MAP2: variants seen among roughly 807,000 people sequenced by gnomAD.
MAP2 encodes the protein microtubule-associated protein 2.
Under a neutral mutation model 137.6 loss-of-function variants are expected in MAP2, and 14 were observed. The observed-to-expected ratio is 0.10, with a 90% confidence interval of 0.07 to 0.16. MAP2 has a LOEUF of 0.16. Ranked by LOEUF, MAP2 falls within the 10% of genes least tolerant of loss-of-function variation. The pLI is 1.00. For missense variants in MAP2, 2,088 were observed against 2,191.5 expected (o/e 0.95, Z 0.94); for synonymous variants, 786 against 782.3 (o/e 1.00, Z -0.08).
chr2:209,619,131 G>A (rs1216366142), intron 3 of MAP2, among the ~76,000 whole-genome samples: 1 of 152,086 alleles, frequency 6.6e-6, no homozygotes, highest in Non-Finnish European at 1.5e-5. Context: ...AGTGATGTTG[G>A]GGGTATGCTG....
chr2:209,607,311 T>G (rs1046330928), intron 3 of MAP2, among the ~76,000 whole-genome samples: 1 of 152,228 alleles, frequency 6.6e-6, no homozygotes, highest in African/African-American at 2.4e-5. Flanking sequence ...CAGACCAAGA[T>G]GAATTAGTCA....
intron 2 of MAP2, among the ~76,000 whole-genome samples, chr2:209,509,487 T>C (rs1385052819): frequency 6.6e-6 from 1 of 152,020 alleles, no homozygotes; most frequent in African/African-American, 2.4e-5. Context: ...TATTTATTAG[T>C]ATTGTTTTCC....
intron 2 of MAP2, among the ~76,000 whole-genome samples, chr2:209,528,028 T>C (rs1264691337): frequency 1.3e-5 from 2 of 152,170 alleles, no homozygotes; most frequent in East Asian, 3.8e-4. Flanking sequence ...TAACATTTAT[T>C]TATTAAATTA....
chr2:209,705,227 C>T (rs934530230), intron 11 of MAP2, among the ~76,000 whole-genome samples: 6 of 152,034 alleles, frequency 3.9e-5, no homozygotes, highest in Non-Finnish European at 8.8e-5. Flanking sequence ...ATGCAGTGAG[C>T]TACTCTCAGT....
At chr2:209,564,132 G>T (rs1164062223) in intron 2 of MAP2, among the ~76,000 whole-genome samples, 1 of 152,132 alleles carries the variant, frequency 6.6e-6, no homozygotes, top group Non-Finnish European at 1.5e-5. Context: ...ATGAAAAAGG[G>T]ATAATACGAA....
In MAP2 at chr2:209,729,846, A is replaced by G. The variant is rs769722427; in HGVS notation, c.5156-4A>G. 6.3e-7 allele frequency: 1 copy of G among 1,593,732 alleles called. No individual in the cohort carries two copies. The highest frequency in any genetic ancestry group is 1.7e-5 in the Admixed American group (1 of 59,684). ...GTTAAATCAAGGTATTTCTTCCCTC[A>G]TAGGTGGCGGACGTGTGAAAATTGA... On this transcript the variant is annotated splice_polypyrimidine_tract_variant and splice_region_variant and intron_variant, in intron 14 of 15. Transcript: ENST00000682079.
chr2:209,591,174 T>C (rs754657955), intron 3 of MAP2, among the ~76,000 whole-genome samples: 171 of 152,154 alleles, frequency 1.1e-3, no homozygotes, highest in Non-Finnish European at 8.8e-4. Flanking sequence ...GGGCCTGAAA[T>C]AAAACCCAGG....
chr2:209,459,425 C>G (rs183424066), intron 1 of MAP2, among the ~76,000 whole-genome samples: 2 of 152,146 alleles, frequency 1.3e-5, no homozygotes, highest in Non-Finnish European at 2.9e-5. Flanking sequence ...ACTGGGACCA[C>G]TAGATACCCC....
At chr2:209,730,081 G>A (rs1034517892) in intron 15 of MAP2, 101 bp from the exon 16 acceptor site, 4 of 1,160,302 alleles carry the variant, frequency 3.4e-6, no homozygotes, top group Admixed American at 1.9e-5. Flanking sequence ...GGATAACAGA[G>A]GTGAATAGAA....
At chr2:209,540,630 CAAAAAAAAAA>C (rs749183996) in intron 2 of MAP2, among the ~76,000 whole-genome samples, 511 of 27,570 alleles carry the variant, frequency 0.019, 3 homozygotes, top group African/African-American at 0.065. Flanking sequence ...GACTCCGTCT[CAAAAAAAAAA>C]AAAAAAAAAA....
intron 12 of MAP2, among the ~76,000 whole-genome samples, 179 bp from the exon 13 acceptor site, chr2:209,709,735 G>A (rs2064805155): frequency 2.0e-5 from 3 of 151,946 alleles, no homozygotes; most frequent in Non-Finnish European, 2.9e-5. Flanking sequence ...GAATGCCACC[G>A]GGTTATGCAC....
chr2:209,664,013 C>G (rs893724286), intron 5 of MAP2, among the ~76,000 whole-genome samples: 3 of 152,176 alleles, frequency 2.0e-5, no homozygotes, highest in African/African-American at 7.2e-5. Context: ...TGATTTTATT[C>G]TCTCAAATGA....
At chr2:209,498,918 A>G (rs2060064746) in intron 1 of MAP2, among the ~76,000 whole-genome samples, 2 of 152,094 alleles carry the variant, frequency 1.3e-5, no homozygotes, top group South Asian at 2.1e-4. Flanking sequence ...CCTTTTTCCC[A>G]TTATCTTGGC....
intron 7 of MAP2, among the ~76,000 whole-genome samples, chr2:209,681,624 G>A (rs2153690414): frequency 6.6e-6 from 1 of 152,310 alleles, no homozygotes; most frequent in Admixed American, 6.5e-5. Flanking sequence ...GGAAAAGGCA[G>A]AGAAGAACTA....
rs1375808178 is a variant in MAP2 at position 209,692,550 on chromosome 2, C to G, written c.455-75C>G. ...TTATTCTACCATTCATTTATCACTTCAAAATATAATTTTAAGCTTATTTCC... is the reference window on the plus strand; with the variant it reads ...TTATTCTACCATTCATTTATCACTTGAAAATATAATTTTAAGCTTATTTCC... On this transcript the variant is annotated intron_variant, in intron 7 of 15. Transcript: ENST00000682079. 7 of 1,471,976 alleles carry G rather than the reference C, an allele frequency of 4.8e-6. No homozygotes were observed. In the Admixed American group the frequency reaches 1.7e-4, roughly 36 times the overall value. The allele number at this position is 1,471,976 out of a possible 1,614,324, so 91.2% of individuals were successfully genotyped here. A position where few individuals can be genotyped will look rare whatever the true frequency, so the allele number is the denominator to read the frequency against.
At chr2:209,580,279 A>G (rs1285590386) in intron 3 of MAP2, among the ~76,000 whole-genome samples, 179 bp downstream of exon 3, 1 of 152,174 alleles carries the variant, frequency 6.6e-6, no homozygotes, top group Admixed American at 6.5e-5. Context: ...TGTTTTGATT[A>G]GAGGATGACT....
chr2:209,564,556 T>TA (rs757367849), intron 2 of MAP2, among the ~76,000 whole-genome samples: 2,186 of 55,916 alleles, frequency 0.039, 116 homozygotes, highest in African/African-American at 0.096. Flanking sequence ...CTCTGTGGAG[T>TA]AAAAAAAAAA....
At chr2:209,424,810 T>C (rs555495044) in intron 1 of MAP2, among the ~76,000 whole-genome samples, 2 of 152,266 alleles carry the variant, frequency 1.3e-5, no homozygotes, top group African/African-American at 4.8e-5. Context: ...TATTTATAAT[T>C]GTAGGAAAAT....
At position 209,647,818 on chromosome 2, in the gene MAP2, A is replaced by C. The variant is rs556754079; in HGVS notation, c.-29-5324A>C. On this transcript the variant is annotated intron_variant, in intron 4 of 15. Transcript: ENST00000682079. ...TATCAAGGGAAAAAGCTGGAATTTTAAAAAACCGAAGTTTTAGCTTTTGAT... is the reference window on the plus strand; with the variant it reads ...TATCAAGGGAAAAAGCTGGAATTTTCAAAAACCGAAGTTTTAGCTTTTGAT... 2.0e-5 allele frequency among the ~76,000 whole-genome samples: 3 copies of C among 152,298 alleles called. No homozygotes were observed. The South Asian group carries it at 6.2e-4, about 32-fold the overall frequency.
Sources: gnomAD v4.1 joint callset for allele counts (sites outside exome capture counted in the v4.1 genomes callset) on GRCh38, gnomAD v4.1.1 for gene constraint, MANE v1.5 for transcripts, NCBI Gene and HGNC (gene_info 2026-07-23, HGNC 2026-07-21) for gene names.